Variants in MYO1A observed in about 807,000 individuals in gnomAD.
MYO1A encodes the protein unconventional myosin-Ia.
In MYO1A, 127 loss-of-function variants were observed where a neutral mutation model predicts 138.5. That is an observed-to-expected ratio of 0.92 (90% CI 0.79 to 1.06). The LOEUF (loss-of-function observed/expected upper bound fraction) is 1.06. Among genes scored for constraint, MYO1A ranks in the 50% least tolerant of loss-of-function variants. The pLI is 0.00. For missense variants in MYO1A, 1,211 were observed against 1,288.8 expected, an observed-to-expected ratio of 0.94 and a Z score of 0.92; for synonymous variants, 477 against 497.5, an observed-to-expected ratio of 0.96 and a Z score of 0.55.
At position 57,036,980 on chromosome 12, in the gene MYO1A, T is replaced by G; in HGVS notation, c.2167A>C (p.Ser723Arg). ...CRTHYQLMRK[S>R]QILISSWFRG... The stretch of plus-strand genomic sequence containing the variant: ...AACCAAGAGGAGATGAGGATCTGAC[T>G]CTTTCGCATCAGTTGGTAGTGGGTG... The change falls in exon 20 of 28, where the codon AGT becomes CGT. Residue 723 changes from serine to arginine, a missense_variant. Physicochemically the swap from Ser to Arg is moderately radical, Grantham distance 110. Coordinates refer to ENST00000300119, the MANE Select transcript of MYO1A (RefSeq NM_005379.4). 6.2e-7 allele frequency: 1 copy of G among 1,614,234 alleles called. No individual in the cohort carries two copies. Among genetic ancestry groups the G allele is most frequent in the Non-Finnish European group, 8.5e-7 (1 of 1,180,036 alleles).
chr12:57,041,384 C>A (rs777698118), intron 13 of MYO1A, 48 bp downstream of exon 13: 1 of 1,594,270 alleles, frequency 6.3e-7, no homozygotes, highest in East Asian at 2.2e-5. Context: ...GTGAGCCTGT[C>A]CACCTCTAAT....
chr12:57,050,510 A>G (rs1203508888), upstream of MYO1A, among the ~76,000 whole-genome samples: 2 of 152,142 alleles, frequency 1.3e-5, no homozygotes, highest in Admixed American at 6.5e-5. Flanking sequence ...ACATGGCGAG[A>G]CACGTCTTTA....
At chr12:57,038,749 C>T (rs2030712142) in intron 16 of MYO1A, 60 bp downstream of exon 16, 1 of 1,610,822 alleles carries the variant, frequency 6.2e-7, no homozygotes, top group African/African-American at 1.3e-5. Context: ...GGGTTCCTCC[C>T]CCATTGACTT....
intron 15 of MYO1A, 93 bp downstream of exon 15, chr12:57,039,119 C>G (rs1763582220): frequency 1.3e-6 from 2 of 1,563,688 alleles, no homozygotes; most frequent in Admixed American, 1.7e-5. Context: ...CTTTACTGTC[C>G]CTACCAAGTG....
At chr12:57,037,157 A>G in intron 19 of MYO1A, 66 bp from the exon 20 acceptor site, 1 of 1,590,534 alleles carries the variant, frequency 6.3e-7, no homozygotes, top group South Asian at 1.1e-5. Context: ...CCTCTCCTAT[A>G]CCCCACAGTA....
At chr12:57,048,426 C>A (rs1464873701) in intron 1 of MYO1A, 83 bp from the exon 2 acceptor site, 6 of 835,506 alleles carry the variant, frequency 7.2e-6, no homozygotes, top group Non-Finnish European at 1.2e-5. Flanking sequence ...GCAGAAGGAC[C>A]AAAAGAGCCT....
At chr12:57,029,328 A>C in intron 26 of MYO1A, 69 bp from the exon 27 acceptor site, 1 of 1,613,310 alleles carries the variant, frequency 6.2e-7, no homozygotes, top group Non-Finnish European at 8.5e-7. Flanking sequence ...GAGGGACATC[A>C]AAGGCCCAGA....
chr12:57,036,520 C>G, intron 21 of MYO1A, 139 bp from the exon 22 acceptor site: 1 of 1,033,166 alleles, frequency 9.7e-7, no homozygotes, highest in East Asian at 2.4e-5. Context: ...TAAAATCAGA[C>G]AAGTTGGCAG....
intron 23 of MYO1A, 137 bp from the exon 24 acceptor site, chr12:57,030,453 G>A (rs1450336581): frequency 2.9e-6 from 2 of 698,460 alleles, no homozygotes; most frequent in Non-Finnish European, 5.0e-6. Context: ...GACACCTCAG[G>A]GAGAGGCCGG....
intron 14 of MYO1A, among the ~76,000 whole-genome samples, chr12:57,040,283 G>A (rs1003971532): frequency 2.0e-5 from 3 of 152,142 alleles, no homozygotes; most frequent in Admixed American, 6.5e-5. Flanking sequence ...ATCTCGTTAC[G>A]TGATGACAAT....
At position 57,046,569 on chromosome 12, in the gene MYO1A, G is replaced by A; in HGVS notation, c.623C>T (p.Ala208Val). The A allele has an allele frequency of 6.2e-7, 1 of 1,613,794 alleles. No homozygotes were observed. The part of the protein sequence containing the change: ...FHIFYQLLAG[A>V]DEQLLKALKL... ...GCACATACTCAGCAGCTGTTCATCT[G>A]CTCCAGCCAGCAGCTGATAGAAGAT... The change falls in exon 8 of 28, where the codon GCA becomes GTA. Residue 208 changes from alanine (A) to valine (V), a missense_variant. Ala to Val is a moderately conservative substitution (Grantham distance 64, BLOSUM62 0). Transcript: ENST00000300119.
chr12:57,032,559 T>C (rs903251501), intron 22 of MYO1A, among the ~76,000 whole-genome samples: 3 of 152,200 alleles, frequency 2.0e-5, no homozygotes. Context: ...GGCGCATGCC[T>C]GTAATCCCAG....
chr12:57,047,292 A>C lies in MYO1A; in HGVS notation c.430+11T>G. 1 of 1,609,980 alleles carries C rather than the reference A, an allele frequency of 6.2e-7. No homozygotes were observed. Among genetic ancestry groups the C allele is most frequent in the Non-Finnish European group, 8.5e-7 (1 of 1,176,174 alleles). ...ATGGAGGGTGGAGAGGGCAGAGAGC[A>C]GAATTCTCACCCTCCAGCACTGGGT... On this transcript the variant is annotated intron_variant, in intron 5 of 27. Coordinates refer to ENST00000300119, the MANE Select transcript of MYO1A (RefSeq NM_005379.4).
intron 24 of MYO1A, 62 bp downstream of exon 24, chr12:57,030,148 C>CG: frequency 3.5e-6 from 5 of 1,436,402 alleles, no homozygotes; most frequent in Non-Finnish European, 4.9e-6. Context: ...TTCTAAGGCA[C>CG]GCTCAAGTTT....
chr12:57,032,094 G>A (rs1038180424), intron 22 of MYO1A, among the ~76,000 whole-genome samples: 3 of 152,142 alleles, frequency 2.0e-5, no homozygotes, highest in African/African-American at 7.2e-5. Flanking sequence ...CTGCCAACCT[G>A]GGAGATCAGC....
At position 57,037,908 on chromosome 12, in the gene MYO1A, A is replaced by G; in HGVS notation, c.1922T>C (p.Leu641Pro). 1 of 1,614,176 alleles carries G rather than the reference A, an allele frequency of 6.2e-7. No homozygotes were observed. Among genetic ancestry groups the G allele is most frequent in the Non-Finnish European group, 8.5e-7 (1 of 1,180,030 alleles). The stretch of plus-strand genomic sequence containing the variant: ...CCAGTGAGGCCAGGTGCTCCGGCTC[A>G]GCAATCGGTACCTTTCCAGGAAGGG... ...YGPFLERYRL[L>P]SRSTWPHWNG... is the part of the protein sequence containing the mutation. Residue 641 changes from leucine (L) to proline (P), a missense_variant, in exon 18 of 28, where the codon CTG becomes CCG. By Grantham distance (98) the Leu-to-Pro change is moderately conservative. Coordinates refer to ENST00000300119, the MANE Select transcript of MYO1A (RefSeq NM_005379.4).
intron 4 of MYO1A, 77 bp downstream of exon 4, chr12:57,047,550 T>A: frequency 6.5e-7 from 1 of 1,542,796 alleles, no homozygotes; most frequent in Non-Finnish European, 9.0e-7. Flanking sequence ...GAGGGTCAGG[T>A]CTAGGTCTGG....
At position 57,043,114 on chromosome 12, in the gene MYO1A, G is replaced by C; in HGVS notation, c.1056C>G (p.Arg352=). 1 of 1,614,160 alleles carries C rather than the reference G, an allele frequency of 6.2e-7. No homozygotes were observed. Among genetic ancestry groups the C allele is most frequent in the Non-Finnish European group, 8.5e-7 (1 of 1,180,038 alleles). The part of the protein sequence containing the change: ...RDALAKNIYS[R]LFDWIVNRIN... ...TTCGATTCACTATCCAGTCAAAGAG[G>C]CGGCTGTAGATGTTCTTAGCCAGGG... Residue 352 remains arginine (R), a synonymous_variant, in exon 12 of 28, where the codon CGC becomes CGG. Transcript: ENST00000300119.
intron 22 of MYO1A, among the ~76,000 whole-genome samples, chr12:57,032,552 G>A (rs549899503): frequency 3.3e-5 from 5 of 152,284 alleles, no homozygotes; most frequent in Admixed American, 2.0e-4. Context: ...GCATGGTGGC[G>A]CATGCCTGTA....
Sources: allele counts gnomAD v4.1 joint callset (sites outside exome capture counted in the v4.1 genomes callset), GRCh38; gene constraint gnomAD v4.1.1; transcripts MANE v1.5; gene names NCBI Gene and HGNC (gene_info 2026-07-23, HGNC 2026-07-21).